The following OSTM1 variants were observed in gnomAD, a reference collection of about 807,000 sequenced individuals.
OSTM1 encodes osteopetrosis-associated transmembrane protein 1.
Under a neutral mutation model 35.4 loss-of-function variants are expected in OSTM1, and 26 were observed. The ratio of observed to expected loss-of-function variants is 0.73; its 90% confidence interval spans 0.54 to 1.02. The LOEUF (loss-of-function observed/expected upper bound fraction) is 1.02. OSTM1 is among the 50% of genes least tolerant of loss of function. The probability of loss-of-function intolerance (pLI) is 0.00; values close to 1 mark genes in which losing one functional copy is unlikely to be tolerated. For synonymous variants in OSTM1, 181 were observed against 165.0 expected (o/e 1.10, Z -0.75); for missense variants, 366 against 409.6 (o/e 0.89, Z 0.92).
rs1385306207 is a variant in OSTM1 at position 108,074,193 on chromosome 6, CCCT to C, written c.402+54_402+56del. 4.5e-6 allele frequency: 7 copies of C among 1,566,636 alleles called. No homozygotes were observed. The East Asian group carries it at 1.3e-4, about 30-fold the overall frequency. On this transcript the variant is annotated intron_variant, in intron 1 of 5. Coordinates refer to ENST00000193322, the MANE Select transcript of OSTM1 (RefSeq NM_014028.4). ...GCCCCCAGCGCTGACCATCATTACACCCTCCTCCTTTCCCAACTCTCCTGAGCC... is the reference window on the plus strand; with the variant it reads ...GCCCCCAGCGCTGACCATCATTACACCCTCCTTTCCCAACTCTCCTGAGCC...
At chr6:108,049,590 CAAA>C in intron 4 of OSTM1, 172 bp from the exon 5 acceptor site, 1 of 1,420,528 alleles carries the variant, frequency 7.0e-7, no homozygotes, top group Non-Finnish European at 9.2e-7. Flanking sequence ...AAACCTGGTT[CAAA>C]ATACAGTCAT....
rs1320029470 is a variant in OSTM1, at chr6:108,074,679, C to T, written c.-28G>A. 4 of 1,509,538 alleles carry T rather than the reference C, an allele frequency of 2.6e-6. No homozygotes were observed. Among genetic ancestry groups the T allele is most frequent in the Non-Finnish European group, 2.6e-6 (3 of 1,135,024 alleles). 93.5% of individuals were successfully genotyped at this position (1,509,538 alleles called of 1,614,324 possible). A position where few individuals can be genotyped will look rare whatever the true frequency, so the allele number is the denominator to read the frequency against. On this transcript the variant is annotated 5_prime_UTR_variant, in exon 1 of 6. Coordinates refer to ENST00000193322, the MANE Select transcript of OSTM1 (RefSeq NM_014028.4). Reference sequence around the variant, plus strand: ...CCGGGCTCACACACCCCAGGGAGCCCACCGCCGCCTCTCCGCCCCCAGCCG... The same window carrying T: ...CCGGGCTCACACACCCCAGGGAGCCTACCGCCGCCTCTCCGCCCCCAGCCG...
rs376547163 is a variant in OSTM1 at position 108,054,544 on chromosome 6, T to C, written c.561A>G (p.Val187=). The C allele has an allele frequency of 7.6e-6, 12 of 1,579,052 alleles. No individual in the cohort carries two copies. In the African/African-American group the frequency reaches 1.1e-4, roughly 14 times the overall value. The change falls in exon 3 of 6, where the codon GTA becomes GTG. Residue 187 remains valine, a synonymous_variant. Coordinates refer to ENST00000193322, the MANE Select transcript of OSTM1 (RefSeq NM_014028.4). Reference sequence around the variant, plus strand: ...TGTGATTAAATAGATTAAGGAAATATACTGTGCTGTTTGATAATTCTTCAC... The same window carrying C: ...TGTGATTAAATAGATTAAGGAAATACACTGTGCTGTTTGATAATTCTTCAC... ...NNSEELSNST[V]YFLNLFNHTL...
chr6:108,064,298 T>C lies in OSTM1; in HGVS notation c.404A>G (p.Asn135Ser). 1 of 1,495,720 alleles carries C rather than the reference T, an allele frequency of 6.7e-7. No homozygotes were observed. The highest frequency in any genetic ancestry group is 9.3e-7 in the Non-Finnish European group (1 of 1,077,056). The allele number at this position is 1,495,720 out of a possible 1,614,324, so 92.7% of individuals were successfully genotyped here. Residue 135 changes from asparagine to serine, a missense_variant and splice_region_variant, in exon 2 of 6, where the codon AAT becomes AGT. Around this residue, in one of 3 missense-constraint regions of OSTM1, gnomAD observed 236 missense variants for 239.3 expected, o/e 0.99. Coordinates refer to ENST00000193322, the MANE Select transcript of OSTM1 (RefSeq NM_014028.4). ...GGCACAACTCTGACTCTCTGAAGTA[T>C]TCTGTAACAAAAAGAAGACAGAAAA... ...KMDNISRAAG[N>S]TSESQSCARS...
chr6:108,069,414 A>G (rs1402689761), intron 1 of OSTM1, among the ~76,000 whole-genome samples: 1 of 152,236 alleles, frequency 6.6e-6, no homozygotes, highest in African/African-American at 2.4e-5. Context: ...CAGTAAAAGT[A>G]TATTGAATAC....
intron 4 of OSTM1, among the ~76,000 whole-genome samples, chr6:108,049,892 T>A (rs528536450): frequency 3.9e-4 from 60 of 152,344 alleles, no homozygotes; most frequent in Non-Finnish European, 7.9e-4. Context: ...TTGGTTCTTA[T>A]AGTTCCCTCT....
intron 5 of OSTM1, among the ~76,000 whole-genome samples, chr6:108,047,791 T>C (rs1301995252): frequency 1.3e-5 from 2 of 152,206 alleles, no homozygotes; most frequent in Admixed American, 6.5e-5. Context: ...GTGGCTTCCA[T>C]AGCAAATAGT....
At chr6:108,064,948 T>C (rs1772350822) in intron 1 of OSTM1, among the ~76,000 whole-genome samples, 1 of 152,178 alleles carries the variant, frequency 6.6e-6, no homozygotes, top group Middle Eastern at 3.2e-3. Flanking sequence ...TGCTTTAAAA[T>C]ATAAAATCCA....
chr6:108,070,144 T>C (rs1418128783), intron 1 of OSTM1, among the ~76,000 whole-genome samples: 1 of 152,112 alleles, frequency 6.6e-6, no homozygotes, highest in African/African-American at 2.4e-5. Flanking sequence ...CTCAAGTGAT[T>C]CTCCCACCTC....
intron 2 of OSTM1, among the ~76,000 whole-genome samples, chr6:108,062,993 G>A (rs547617904): frequency 1.3e-3 from 15 of 11,922 alleles, no homozygotes; most frequent in African/African-American, 4.4e-3. Flanking sequence ...GTGACTACCT[G>A]CAATGTCCTT....
In OSTM1 at chr6:108,064,225, T is replaced by C. The variant is rs1184984507; in HGVS notation, c.477A>G (p.Ser159=). The stretch of plus-strand genomic sequence containing the variant: ...CCTGCCATGTGGTATTAAAAAATTC[T>C]GAGAGAATCACAACTATTTGCATTC... ...ADRMQIVVIL[S]EFFNTTWQEA... The change falls in exon 2 of 6, where the codon TCA becomes TCG. Residue 159 remains serine, a synonymous_variant. Coordinates refer to ENST00000193322, the MANE Select transcript of OSTM1 (RefSeq NM_014028.4). 2 of 1,605,120 alleles carry C rather than the reference T, an allele frequency of 1.2e-6. No homozygotes were observed. The highest frequency in any genetic ancestry group is 1.7e-6 in the Non-Finnish European group (2 of 1,173,686).
At chr6:108,070,538 A>T (rs1772461902) in intron 1 of OSTM1, among the ~76,000 whole-genome samples, 2 of 152,154 alleles carry the variant, frequency 1.3e-5, no homozygotes, top group Admixed American at 6.6e-5. Flanking sequence ...CAAGAATAGT[A>T]GGTGCTTGCT....
chr6:108,068,933 C>T (rs912342870), intron 1 of OSTM1, among the ~76,000 whole-genome samples: 1 of 152,166 alleles, frequency 6.6e-6, no homozygotes, highest in African/African-American at 2.4e-5. Context: ...GCTCACTGTG[C>T]TGTGTTCTAG....
chr6:108,067,398 C>T (rs756590954), intron 1 of OSTM1, among the ~76,000 whole-genome samples: 1 of 152,260 alleles, frequency 6.6e-6, no homozygotes, highest in Non-Finnish European at 1.5e-5. Context: ...GTCTGCTTCC[C>T]ACTCCCTCCT....
rs1370352150 is a variant in OSTM1, at chr6:108,042,061, A to G, written c.*2724T>C. 4 of 152,084 alleles carry G rather than the reference A, an allele frequency of 2.6e-5. No homozygotes were observed. The highest frequency in any genetic ancestry group is 1.9e-4 in the East Asian group (1 of 5,194). 9.4% of individuals were successfully genotyped at this position (152,084 alleles called of 1,614,324 possible). On this transcript the variant is annotated 3_prime_UTR_variant, in exon 6 of 6. Transcript: ENST00000193322. Reference sequence around the variant, plus strand: ...GAAAACATTTCATTTTATAGGGAGCATATCCCAGAAACATTAGAAAATACT... The same window carrying G: ...GAAAACATTTCATTTTATAGGGAGCGTATCCCAGAAACATTAGAAAATACT...
intron 2 of OSTM1, among the ~76,000 whole-genome samples, chr6:108,056,273 G>A (rs1772168374): frequency 6.6e-6 from 1 of 152,168 alleles, no homozygotes; most frequent in African/African-American, 2.4e-5. Flanking sequence ...ACAGAGATAG[G>A]TTTAGATAAA....
intron 1 of OSTM1, among the ~76,000 whole-genome samples, chr6:108,066,470 G>T (rs1029261621): frequency 1.3e-5 from 2 of 152,164 alleles, no homozygotes; most frequent in Admixed American, 1.3e-4. Context: ...AAGAATTGGA[G>T]AGATAAAGAA....
intron 2 of OSTM1, among the ~76,000 whole-genome samples, chr6:108,056,633 A>C (rs1772173736): frequency 6.6e-6 from 1 of 152,198 alleles, no homozygotes; most frequent in African/African-American, 2.4e-5. Context: ...AAATTACAAA[A>C]GGTCATTCCT....
At chr6:108,060,295 AC>A in intron 2 of OSTM1, among the ~76,000 whole-genome samples, 1 of 152,342 alleles carries the variant, frequency 6.6e-6, no homozygotes, top group Admixed American at 6.5e-5. Context: ...TCACAGAAGA[AC>A]AAAATACCCT....
Sources: gnomAD v4.1 joint callset for allele counts (sites outside exome capture counted in the v4.1 genomes callset) on GRCh38, gnomAD v4.1.1 for gene constraint, gnomAD v4.1.1 regional missense constraint, MANE v1.5 for transcripts, NCBI Gene and HGNC (gene_info 2026-07-23, HGNC 2026-07-21) for gene names.